Variants in TMEM45A observed in about 807,000 individuals in gnomAD.
The protein encoded by TMEM45A is transmembrane protein 45A.
Under a neutral mutation model 32.0 loss-of-function variants are expected in TMEM45A, and 25 were observed. The observed-to-expected ratio is 0.78, with a 90% CI of 0.57 to 1.09. The LOEUF is 1.09. Among genes scored for constraint, TMEM45A ranks in the 50% least tolerant of loss-of-function variants. TMEM45A has a pLI of 0.00. For missense variants in TMEM45A, 302 were observed against 325.0 expected, an observed-to-expected ratio of 0.93 and a Z score of 0.54; for synonymous variants, 122 against 114.8, an observed-to-expected ratio of 1.06 and a Z score of -0.40.
chr3:100,566,085 A>G (rs559552062), intron 4 of TMEM45A, among the ~76,000 whole-genome samples: 3 of 152,118 alleles, frequency 2.0e-5, no homozygotes, highest in Admixed American at 2.0e-4. Flanking sequence ...AGTTTCATCC[A>G]TGTTGTTGCA....
rs371016131 is a variant in TMEM45A, at chr3:100,568,741, C to T, written c.589-81C>T. The T allele has an allele frequency of 4.1e-5, 55 of 1,338,056 alleles. No homozygotes were observed. The Admixed American group carries it at 4.7e-4, about 11-fold the overall frequency. 82.9% of individuals were successfully genotyped at this position (1,338,056 alleles called of 1,614,324 possible). On this transcript the variant is annotated intron_variant, in intron 4 of 5. Transcript: ENST00000323523. ...TTGGAGTTAACTTAGTTATTTACCT[C>T]GGAAGCAAGTATTTTGAAATGTACC...
intron 5 of TMEM45A, 80 bp from the exon 6 acceptor site, chr3:100,576,845 T>C: frequency 9.5e-7 from 1 of 1,049,224 alleles, no homozygotes; most frequent in Non-Finnish European, 1.4e-6. Flanking sequence ...AATCTAGACT[T>C]TGTGGTATAA....
chr3:100,568,781 G>T, intron 4 of TMEM45A, 41 bp from the exon 5 acceptor site: 1 of 1,559,630 alleles, frequency 6.4e-7, no homozygotes, highest in Non-Finnish European at 8.7e-7. Context: ...TTGGGAATGT[G>T]ATTGGTTATT....
chr3:100,573,680 A>T lies in TMEM45A; in HGVS notation c.735-3245A>T, dbSNP rs1311231263. 6 of 152,142 alleles carry T rather than the reference A, an allele frequency of 3.9e-5. No individual in the cohort carries two copies. The South Asian group carries it at 6.2e-4, about 16-fold the overall frequency. 9.4% of individuals were successfully genotyped at this position (152,142 alleles called of 1,614,324 possible). On this transcript the variant is annotated intron_variant, in intron 5 of 5. Transcript: ENST00000323523. ...AGAGAGGGCATCCCTGTCTTGTGCC[A>T]GTTTTCAAAGGGAATGCTTCCAGTT... is the stretch of plus-strand genomic sequence containing the variant.
intron 1 of TMEM45A, among the ~76,000 whole-genome samples, chr3:100,540,076 A>C (rs1705835589): frequency 6.6e-6 from 1 of 152,208 alleles, no homozygotes; most frequent in East Asian, 1.9e-4. Flanking sequence ...ATATATCAAG[A>C]GGACAATCCA....
At chr3:100,505,481 A>C (rs2148930412) in intron 1 of TMEM45A, among the ~76,000 whole-genome samples, 1 of 152,318 alleles carries the variant, frequency 6.6e-6, no homozygotes, top group South Asian at 2.1e-4. Flanking sequence ...AGTGGCAGGA[A>C]ATTTATGTTT....
intron 1 of TMEM45A, among the ~76,000 whole-genome samples, chr3:100,514,268 C>A (rs1265530370): frequency 3.9e-5 from 6 of 151,992 alleles, no homozygotes; most frequent in Non-Finnish European, 8.8e-5. Flanking sequence ...GTACCGGTAC[C>A]AAAACAGAGA....
At chr3:100,565,667 G>A (rs1351837972) in intron 4 of TMEM45A, among the ~76,000 whole-genome samples, 1 of 151,988 alleles carries the variant, frequency 6.6e-6, no homozygotes, top group Non-Finnish European at 1.5e-5. Context: ...GACATTTGTA[G>A]GATTATTCAT....
At chr3:100,521,109 C>A (rs542284317) in intron 1 of TMEM45A, among the ~76,000 whole-genome samples, 1 of 152,296 alleles carries the variant, frequency 6.6e-6, no homozygotes, top group Admixed American at 6.5e-5. Context: ...TCTGTGAAGG[C>A]AATGGATGCC....
intron 1 of TMEM45A, among the ~76,000 whole-genome samples, chr3:100,554,048 G>T (rs1706162006): frequency 6.6e-6 from 1 of 152,122 alleles, no homozygotes; most frequent in Admixed American, 6.5e-5. Context: ...CCTTTCATGA[G>T]TTTCCTTGGA....
At position 100,519,417 on chromosome 3, in the gene TMEM45A, G is replaced by T; in HGVS notation, c.-4+26489G>T. 3 of 673,778 alleles carry T rather than the reference G, an allele frequency of 4.5e-6. No individual in the cohort carries two copies. In the South Asian group the frequency reaches 5.3e-5, roughly 12 times the overall value. The allele number at this position is 673,778 out of a possible 1,614,324, so 41.7% of individuals were successfully genotyped here. ...TGTGTGTGTGTGTGTGTGTAAAACT[G>T]ACTGTAAGATGTCAAGTTTCAGCCT... is the stretch of plus-strand genomic sequence containing the variant. On this transcript the variant is annotated intron_variant, in intron 1 of 5. Coordinates refer to ENST00000323523, the MANE Select transcript of TMEM45A (RefSeq NM_018004.3).
chr3:100,535,816 TTC>T (rs928260014), intron 1 of TMEM45A, among the ~76,000 whole-genome samples: 3 of 152,230 alleles, frequency 2.0e-5, no homozygotes, highest in African/African-American at 7.2e-5. Context: ...CCAAATGATG[TTC>T]TGTTTGTTCT....
chr3:100,513,032 A>T (rs1312632131), intron 1 of TMEM45A, among the ~76,000 whole-genome samples: 1 of 149,516 alleles, frequency 6.7e-6, no homozygotes, highest in African/African-American at 2.5e-5. Flanking sequence ...TCACAGCCGA[A>T]TTCTACCAGA....
intron 1 of TMEM45A, among the ~76,000 whole-genome samples, chr3:100,503,583 G>A (rs1388434855): frequency 6.6e-6 from 1 of 152,182 alleles, no homozygotes; most frequent in Non-Finnish European, 1.5e-5. Context: ...CATTGCAGAG[G>A]TTTCATGAAG....
intron 1 of TMEM45A, among the ~76,000 whole-genome samples, chr3:100,526,048 C>T (rs1489001529): frequency 6.6e-6 from 1 of 152,158 alleles, no homozygotes; most frequent in East Asian, 1.9e-4. Context: ...GGGAAATGAG[C>T]GTCTGCAGCA....
chr3:100,511,149 G>A (rs904790033), intron 1 of TMEM45A, among the ~76,000 whole-genome samples: 14 of 151,772 alleles, frequency 9.2e-5, no homozygotes, highest in Admixed American at 4.6e-4. Flanking sequence ...CTCGAGAAGA[G>A]CAACTCCAAG....
At position 100,497,966 on chromosome 3, in the gene TMEM45A, A is replaced by T. The variant is rs143805486; in HGVS notation, c.-4+5038A>T. 7.1e-3 allele frequency among the ~76,000 whole-genome samples: 1,078 copies of T among 152,258 alleles called. 11 individuals carry two copies. Among genetic ancestry groups the T allele is most frequent in the African/African-American group, 0.025 (1,041 of 41,544 alleles). On this transcript the variant is annotated intron_variant, in intron 1 of 5. Transcript: ENST00000323523. The stretch of plus-strand genomic sequence containing the variant: ...GGTTTGGCTTTGTGTCCCCACCCAA[A>T]CCTCATCTTAAATTGTAATCCCCAT...
chr3:100,538,990 A>G (rs1001715373), intron 1 of TMEM45A, among the ~76,000 whole-genome samples: 1 of 152,222 alleles, frequency 6.6e-6, no homozygotes, highest in Non-Finnish European at 1.5e-5. Flanking sequence ...CTGTTTATGA[A>G]CAGGAAGGCT....
At chr3:100,516,636 A>G (rs1391333899) in intron 1 of TMEM45A, among the ~76,000 whole-genome samples, 1 of 152,082 alleles carries the variant, frequency 6.6e-6, no homozygotes, top group Non-Finnish European at 1.5e-5. Context: ...AACTCTCTCC[A>G]GGTTCTCATT....
Sources: gnomAD v4.1 joint callset for allele counts (sites outside exome capture counted in the v4.1 genomes callset) on GRCh38, gnomAD v4.1.1 for gene constraint, MANE v1.5 for transcripts, NCBI Gene and HGNC (gene_info 2026-07-23, HGNC 2026-07-21) for gene names.